The following ARHGAP18 variants were observed in gnomAD, a reference collection of about 807,000 sequenced individuals.
ARHGAP18 encodes rho GTPase-activating protein 18.
ARHGAP18 carries 67 observed loss-of-function variants against 86.2 expected under a neutral mutation model. The observed-to-expected ratio is 0.78, with a 90% CI of 0.64 to 0.95. The LOEUF is 0.95. Among genes scored for constraint, ARHGAP18 ranks in the 40% least tolerant of loss-of-function variants. The pLI is 0.00. For synonymous variants in ARHGAP18, 283 were observed against 280.4 expected (o/e 1.01, Z -0.09); for missense variants, 691 against 780.4 (o/e 0.89, Z 1.37).
In ARHGAP18 at chr6:129,625,164, T is replaced by TATATTA. The variant is rs1562696479; in HGVS notation, c.786+4188_786+4189insTAATAT. 6.5e-3 allele frequency among the ~76,000 whole-genome samples: 366 copies of TATATTA among 56,540 alleles called. 51 individuals are homozygous for TATATTA. Among genetic ancestry groups the TATATTA allele is most frequent in the African/African-American group, 0.025 (357 of 14,164 alleles). The allele number at this position is 56,540 out of a possible 152,430, so 37.1% of individuals were successfully genotyped here. On this transcript the variant is annotated intron_variant, in intron 5 of 14. Coordinates refer to ENST00000368149, the MANE Select transcript of ARHGAP18 (RefSeq NM_033515.3). ...ATATTATATATTATATAGATATATA[T>TATATTA]TATATATGATATATTATATATTATA...
At chr6:129,688,095 A>G (rs1167604451) in intron 1 of ARHGAP18, among the ~76,000 whole-genome samples, 1 of 152,150 alleles carries the variant, frequency 6.6e-6, no homozygotes, top group African/African-American at 2.4e-5. Flanking sequence ...TTCAGTCAAG[A>G]TTGACCTTTA....
chr6:129,675,653 C>T (rs540200191), intron 1 of ARHGAP18, among the ~76,000 whole-genome samples: 5 of 152,246 alleles, frequency 3.3e-5, no homozygotes, highest in Non-Finnish European at 7.4e-5. Flanking sequence ...TATAAATGGA[C>T]CTAAGAGCAA....
intron 1 of ARHGAP18, among the ~76,000 whole-genome samples, chr6:129,708,227 G>A (rs1282402143): frequency 2.0e-5 from 3 of 152,082 alleles, no homozygotes; most frequent in African/African-American, 4.8e-5. Flanking sequence ...TATCAGGAAC[G>A]ATCCCTAGAA....
intron 1 of ARHGAP18, among the ~76,000 whole-genome samples, chr6:129,680,684 A>T (rs1314336176): frequency 1.3e-5 from 2 of 152,220 alleles, no homozygotes; most frequent in Non-Finnish European, 2.9e-5. Context: ...GTCTGGTGGT[A>T]CCCTGGAGCC....
chr6:129,634,087 A>C lies in ARHGAP18; in HGVS notation c.571T>G (p.Ser191Ala). 6.2e-7 allele frequency: 1 copy of C among 1,613,910 alleles called. No individual in the cohort carries two copies. Among genetic ancestry groups the C allele is most frequent in the Non-Finnish European group, 8.5e-7 (1 of 1,179,914 alleles). Reference sequence around the variant, plus strand: ...TTTTCATTTGTTCTAAGTGACTGCGATTCAGTGCCACCTGGAGCCTAAACA... The same window carrying C: ...TTTTCATTTGTTCTAAGTGACTGCGCTTCAGTGCCACCTGGAGCCTAAACA... ...SKETAPGGTE[S>A]QSLRTNENKY... The change falls in exon 4 of 15, where the codon TCG (serine) becomes GCG (alanine). Residue 191 changes from serine to alanine, a missense_variant. Ser to Ala is a moderately conservative substitution (Grantham distance 99). Transcript: ENST00000368149.
chr6:129,643,847 T>C (rs1773520680), intron 1 of ARHGAP18, among the ~76,000 whole-genome samples: 2 of 152,110 alleles, frequency 1.3e-5, no homozygotes, highest in East Asian at 1.9e-4. Flanking sequence ...AGGGAGAGGG[T>C]CACTAAACTC....
At chr6:129,661,028 A>G (rs918746341) in intron 1 of ARHGAP18, among the ~76,000 whole-genome samples, 1 of 151,902 alleles carries the variant, frequency 6.6e-6, no homozygotes, top group African/African-American at 2.4e-5. Context: ...CTTTAAAAAA[A>G]AAAAAAAAAA....
chr6:129,656,675 A>T (rs1213765547), intron 1 of ARHGAP18, among the ~76,000 whole-genome samples: 2 of 152,154 alleles, frequency 1.3e-5, no homozygotes, highest in Admixed American at 6.5e-5. Flanking sequence ...AAATAAAAAA[A>T]AATATCAATA....
At chr6:129,704,883 G>T (rs2114559228) in intron 1 of ARHGAP18, among the ~76,000 whole-genome samples, 1 of 152,246 alleles carries the variant, frequency 6.6e-6, no homozygotes, top group East Asian at 1.9e-4. Flanking sequence ...CTCCCACCTT[G>T]CTTTCTTCTT....
At chr6:129,629,103 G>A (rs978667353) in intron 5 of ARHGAP18, among the ~76,000 whole-genome samples, 1 of 151,974 alleles carries the variant, frequency 6.6e-6, no homozygotes, top group Non-Finnish European at 1.5e-5. Context: ...TATATCCTGA[G>A]CCAGGTGTGA....
At chr6:129,662,036 G>A (rs776823500) in intron 1 of ARHGAP18, 76 of 395,308 alleles carry the variant, frequency 1.9e-4, no homozygotes, top group East Asian at 4.8e-4. Flanking sequence ...CAAGATCCAC[G>A]CAAGCTGCAG....
At position 129,689,136 on chromosome 6, in the gene ARHGAP18, C is replaced by A. The variant is rs187590078; in HGVS notation, c.113+20888G>T. On this transcript the variant is annotated intron_variant, in intron 1 of 14. Coordinates refer to ENST00000368149, the MANE Select transcript of ARHGAP18 (RefSeq NM_033515.3). ...ATAAATGGGTGCTGCCACTAATGAT[C>A]ATCTCTGAGGCCTTGTCAGGCATTT... Among the ~76,000 whole-genome samples, 4 of 152,214 alleles carry A rather than the reference C, an allele frequency of 2.6e-5. No individual in the cohort carries two copies. In the East Asian group the frequency reaches 7.8e-4, roughly 29 times the overall value.
chr6:129,616,001 G>A (rs1272045710), intron 7 of ARHGAP18, among the ~76,000 whole-genome samples: 1 of 152,078 alleles, frequency 6.6e-6, no homozygotes, highest in African/African-American at 2.4e-5. Flanking sequence ...AATGACGCCA[G>A]GTAATCACAG....
intron 1 of ARHGAP18, among the ~76,000 whole-genome samples, chr6:129,669,297 G>A (rs920494185): frequency 6.6e-6 from 1 of 151,598 alleles, no homozygotes; most frequent in Non-Finnish European, 1.5e-5. Flanking sequence ...TCAGCCTCCC[G>A]AGTAGCTGGG....
chr6:129,623,724 C>G (rs1789280812), intron 5 of ARHGAP18, among the ~76,000 whole-genome samples: 1 of 152,080 alleles, frequency 6.6e-6, no homozygotes, highest in Admixed American at 6.5e-5. Flanking sequence ...TGAGTCCATA[C>G]CTTCTAGAAG....
chr6:129,587,722 C>T (rs1788425605), intron 12 of ARHGAP18, among the ~76,000 whole-genome samples: 1 of 152,276 alleles, frequency 6.6e-6, no homozygotes, highest in South Asian at 2.1e-4. Context: ...TCAATTACCT[C>T]CTACCAGGTG....
chr6:129,629,096 A>G (rs1159614673), intron 5 of ARHGAP18, among the ~76,000 whole-genome samples: 2 of 152,094 alleles, frequency 1.3e-5, no homozygotes, highest in East Asian at 1.9e-4. Context: ...TGAAAAATAT[A>G]TCCTGAGCCA....
In ARHGAP18 at chr6:129,646,545, G is replaced by A. The variant is rs530740554; in HGVS notation, c.114-4527C>T. Among the ~76,000 whole-genome samples, 42 of 152,148 alleles carry A rather than the reference G, an allele frequency of 2.8e-4. No homozygotes were observed. The South Asian group carries it at 8.1e-3, about 29-fold the overall frequency. Reference sequence around the variant, plus strand: ...TCTACTGATATTTATAATATTAAACGCAGAAACAAAATATTTTAAATGCTA... The same window carrying A: ...TCTACTGATATTTATAATATTAAACACAGAAACAAAATATTTTAAATGCTA... On this transcript the variant is annotated intron_variant, in intron 1 of 14. Transcript: ENST00000368149.
chr6:129,667,421 TATA>T (rs774891427), intron 1 of ARHGAP18, among the ~76,000 whole-genome samples: 1 of 151,590 alleles, frequency 6.6e-6, no homozygotes, highest in Non-Finnish European at 1.5e-5. Context: ...AATCAAAATC[TATA>T]ATGAGTCAGG....
Sources: allele counts gnomAD v4.1 joint callset (sites outside exome capture counted in the v4.1 genomes callset), GRCh38; gene constraint gnomAD v4.1.1; transcripts MANE v1.5; gene names NCBI Gene and HGNC (gene_info 2026-07-23, HGNC 2026-07-21).